MAD1L1: variants seen among roughly 807,000 people sequenced by gnomAD.
MAD1L1 encodes the protein mitotic arrest deficient 1 like 1.
Under a neutral mutation model 96.9 loss-of-function variants are expected in MAD1L1, and 95 were observed. The observed-to-expected ratio is 0.98, with a 90% CI of 0.83 to 1.16. The LOEUF is 1.16. Among genes scored for constraint, MAD1L1 ranks in the 50% most tolerant of loss-of-function variants. The pLI, the probability that MAD1L1 is intolerant of heterozygous loss-of-function variation, is 0.00. For missense variants in MAD1L1, 1,007 were observed against 954.4 expected (o/e 1.06, Z -0.73); for synonymous variants, 473 against 396.6 (o/e 1.19, Z -2.29).
Position 1,995,918 on chromosome 7 carries a change from C to A in MAD1L1, c.1416+6147G>T, listed in dbSNP as rs1781533598. Among the ~76,000 whole-genome samples, 3 of 152,206 alleles carry A rather than the reference C, an allele frequency of 2.0e-5. No individual in the cohort carries two copies. The South Asian group carries it at 6.2e-4, about 31-fold the overall frequency. The stretch of plus-strand genomic sequence containing the variant: ...TGGGTCCGGAAGGTGAAATGAGGTA[C>A]TGTCAGTTACCACACCAGGAGGCTC... On this transcript the variant is annotated intron_variant, in intron 14 of 18. Coordinates refer to ENST00000265854, the MANE Select transcript of MAD1L1 (RefSeq NM_001013836.2).
chr7:2,105,471 G>C (rs1787040705), intron 11 of MAD1L1, among the ~76,000 whole-genome samples: 1 of 152,092 alleles, frequency 6.6e-6, no homozygotes, highest in Non-Finnish European at 1.5e-5. Context: ...GCCTGCGCTG[G>C]GGCAAGGCAG....
At chr7:1,840,062 C>T (rs1203349013) in intron 18 of MAD1L1, among the ~76,000 whole-genome samples, 7 of 152,214 alleles carry the variant, frequency 4.6e-5, no homozygotes, top group East Asian at 1.9e-4. Context: ...GAGGGCCAGA[C>T]GAGTGAGCCA....
chr7:2,127,594 G>A (rs1451858690), intron 11 of MAD1L1, among the ~76,000 whole-genome samples: 1 of 152,156 alleles, frequency 6.6e-6, no homozygotes, highest in Non-Finnish European at 1.5e-5. Context: ...AACGACCTGG[G>A]GTCTAGGGTG....
intron 11 of MAD1L1, among the ~76,000 whole-genome samples, chr7:2,077,083 C>T (rs897609499): frequency 4.4e-5 from 6 of 135,242 alleles, no homozygotes; most frequent in East Asian, 2.4e-4. Flanking sequence ...GACAGAGTTA[C>T]GACTTGGTGA....
rs533538650 is a variant in MAD1L1, at chr7:1,822,747, G to A, written c.1999-6519C>T. Among the ~76,000 whole-genome samples the A allele has an allele frequency of 6.1e-4, 84 of 137,770 alleles. 2 individuals carry two copies. Among genetic ancestry groups the A allele is most frequent in the African/African-American group, 2.1e-3 (78 of 36,962 alleles). The allele number at this position is 137,770 out of a possible 152,430, so 90.4% of individuals were successfully genotyped here. A position where few individuals can be genotyped will look rare whatever the true frequency, so the allele number is the denominator to read the frequency against. ...CCAGCATTTTTTTTTTTTTTTTTTG[G>A]TAGAGAGACACAAGATTATTCTAAA... On this transcript the variant is annotated intron_variant, in intron 18 of 18. Transcript: ENST00000265854.
intron 18 of MAD1L1, among the ~76,000 whole-genome samples, chr7:1,895,664 C>A (rs898828352): frequency 2.0e-4 from 31 of 152,350 alleles, no homozygotes; most frequent in African/African-American, 7.5e-4. Flanking sequence ...GGTGGGTGGC[C>A]GGAAGGGTGG....
At chr7:1,866,230 C>A (rs1327602678) in intron 18 of MAD1L1, among the ~76,000 whole-genome samples, 1 of 152,022 alleles carries the variant, frequency 6.6e-6, no homozygotes, top group African/African-American at 2.4e-5. Context: ...AAGCCAGGTG[C>A]CCAGGTTGGT....
intron 12 of MAD1L1, among the ~76,000 whole-genome samples, chr7:2,046,973 G>A (rs1562635743): frequency 1.3e-5 from 2 of 152,210 alleles, no homozygotes; most frequent in African/African-American, 4.8e-5. Flanking sequence ...AGACGACAAA[G>A]GAAACTGGAG....
At chr7:2,104,985 C>T (rs573596714) in intron 11 of MAD1L1, among the ~76,000 whole-genome samples, 2 of 152,374 alleles carry the variant, frequency 1.3e-5, no homozygotes, top group Admixed American at 1.3e-4. Context: ...GAACTACGCA[C>T]AGCCCGCCTG....
chr7:2,197,150 T>C (rs1792033044), intron 10 of MAD1L1, among the ~76,000 whole-genome samples: 1 of 152,182 alleles, frequency 6.6e-6, no homozygotes, highest in Non-Finnish European at 1.5e-5. Flanking sequence ...AGGAGAACTG[T>C]GGTTAGAACC....
At chr7:1,903,911 C>G (rs28393635) in intron 17 of MAD1L1, among the ~76,000 whole-genome samples, 4,239 of 65,028 alleles carry the variant, frequency 0.065, 74 homozygotes, top group East Asian at 0.098. Context: ...CATGATTGAT[C>G]AAGCACTGTT....
rs933789286 is a variant in MAD1L1, at chr7:2,099,603, C to T, written c.1074-30265G>A. Among the ~76,000 whole-genome samples, 5 of 100,252 alleles carry T rather than the reference C, an allele frequency of 5.0e-5. No homozygotes were observed. The East Asian group carries it at 1.4e-3, about 28-fold the overall frequency. 65.8% of individuals were successfully genotyped at this position (100,252 alleles called of 152,430 possible). ...AGGCGGGAGCGTGGACGGAAGTGAGCGCATCGGGCTGGGAGACAGCCGAAT... is the reference window on the plus strand; with the variant it reads ...AGGCGGGAGCGTGGACGGAAGTGAGTGCATCGGGCTGGGAGACAGCCGAAT... On this transcript the variant is annotated intron_variant, in intron 11 of 18. Transcript: ENST00000265854.
chr7:1,947,480 A>G (rs1221129004), intron 16 of MAD1L1, among the ~76,000 whole-genome samples: 3 of 152,254 alleles, frequency 2.0e-5, no homozygotes, highest in African/African-American at 7.2e-5. Context: ...TGGCTCACGG[A>G]GGAGAGCGAG....
chr7:1,825,378 C>T (rs2128622805), intron 18 of MAD1L1, among the ~76,000 whole-genome samples: 1 of 152,352 alleles, frequency 6.6e-6, no homozygotes, highest in South Asian at 2.1e-4. Context: ...GGCGTCATGG[C>T]TGGCATCTTG....
Position 1,860,304 on chromosome 7 carries a change from C to T in MAD1L1, c.1998+37896G>A, listed in dbSNP as rs184345812. Among the ~76,000 whole-genome samples, 42 of 136,568 alleles carry T rather than the reference C, an allele frequency of 3.1e-4. 1 individual carries two copies. The East Asian group carries it at 9.1e-3, about 30-fold the overall frequency. The allele number at this position is 136,568 out of a possible 152,430, so 89.6% of individuals were successfully genotyped here. On this transcript the variant is annotated intron_variant, in intron 18 of 18. Coordinates refer to ENST00000265854, the MANE Select transcript of MAD1L1 (RefSeq NM_001013836.2). ...GCGGGGCGGCCTCTGTGTCCCTAGA[C>T]CTGACATCTGGCGGGGCGGCCTCTG...
At chr7:1,941,283 GCCCCAGC>G (rs1378213502) in intron 16 of MAD1L1, among the ~76,000 whole-genome samples, 3 of 152,124 alleles carry the variant, frequency 2.0e-5, no homozygotes, top group Admixed American at 6.5e-5. Context: ...CAGAGGCACA[GCCCCAGC>G]CCCCAGCCCC....
chr7:2,010,630 C>T (rs921068244), intron 13 of MAD1L1, among the ~76,000 whole-genome samples: 1 of 152,240 alleles, frequency 6.6e-6, no homozygotes, highest in Non-Finnish European at 1.5e-5. Context: ...CAACTCAACA[C>T]TGTTTTCCTG....
In MAD1L1 at chr7:2,129,268, T is replaced by C. The variant is rs1428827246; in HGVS notation, c.1073+19884A>G. 7.3e-5 allele frequency among the ~76,000 whole-genome samples: 11 copies of C among 151,384 alleles called. 1 individual carries two copies. Among genetic ancestry groups the C allele is most frequent in the Admixed American group, 6.6e-4 (10 of 15,222 alleles). Reference sequence around the variant, plus strand: ...GGCAGGCCAGGGGGCAGGGAGGGAGTGAAAGAACAAGACGCCTGGAAGAGG... The same window carrying C: ...GGCAGGCCAGGGGGCAGGGAGGGAGCGAAAGAACAAGACGCCTGGAAGAGG... On this transcript the variant is annotated intron_variant, in intron 11 of 18. Coordinates refer to ENST00000265854, the MANE Select transcript of MAD1L1 (RefSeq NM_001013836.2).
At chr7:2,212,429 C>T (rs1443647281) in intron 10 of MAD1L1, among the ~76,000 whole-genome samples, 2 of 152,168 alleles carry the variant, frequency 1.3e-5, no homozygotes, top group African/African-American at 4.8e-5. Flanking sequence ...GAATTGTAAT[C>T]CCCAGTGCTG....
Sources: gnomAD v4.1 joint callset for allele counts (sites outside exome capture counted in the v4.1 genomes callset) on GRCh38, gnomAD v4.1.1 for gene constraint, MANE v1.5 for transcripts, NCBI Gene and HGNC (gene_info 2026-07-23, HGNC 2026-07-21) for gene names.